RAB44: variants seen among roughly 807,000 people sequenced by gnomAD.
RAB44 encodes the protein ras-related protein Rab-44.
A neutral mutation model predicts 93.3 loss-of-function variants in RAB44; 67 were observed. That is an observed-to-expected ratio of 0.72 (90% CI 0.59 to 0.88). The LOEUF (loss-of-function observed/expected upper bound fraction) is 0.88, where lower values mean the gene tolerates loss of function less well. RAB44 is among the 40% of genes least tolerant of loss of function. The probability of loss-of-function intolerance (pLI) is 0.00; values close to 1 mark genes in which losing one functional copy is unlikely to be tolerated. For missense variants in RAB44, 1,064 were observed against 1,261.7 expected, an observed-to-expected ratio of 0.84 and a Z score of 2.37; for synonymous variants, 427 against 520.3, an observed-to-expected ratio of 0.82 and a Z score of 2.44.
intron 1 of RAB44, among the ~76,000 whole-genome samples, chr6:36,699,587 G>A (rs1307351442): frequency 1.3e-5 from 2 of 152,200 alleles, no homozygotes; most frequent in African/African-American, 2.4e-5. Flanking sequence ...ACTCCACTGG[G>A]TGTTTGTCAT....
chr6:36,711,780 G>A (rs1476680667), intron 2 of RAB44, among the ~76,000 whole-genome samples: 1 of 152,058 alleles, frequency 6.6e-6, no homozygotes, highest in Non-Finnish European at 1.5e-5. Context: ...GTACATTCCT[G>A]TAATCCCAGC....
intron 1 of RAB44, among the ~76,000 whole-genome samples, chr6:36,700,149 G>C: frequency 6.6e-6 from 1 of 152,326 alleles, no homozygotes; most frequent in Admixed American, 6.5e-5. Context: ...TGGGGAATGG[G>C]AACTGATGTT....
At chr6:36,704,019 G>A (rs770167975) in intron 1 of RAB44, among the ~76,000 whole-genome samples, 26 of 152,220 alleles carry the variant, frequency 1.7e-4, no homozygotes, top group Non-Finnish European at 3.2e-4. Context: ...AACTTAGAAA[G>A]GGCAAAGGCG....
chr6:36,710,419 C>G (rs563105727), intron 2 of RAB44, among the ~76,000 whole-genome samples: 1 of 152,180 alleles, frequency 6.6e-6, no homozygotes, highest in Admixed American at 6.5e-5. Context: ...TGTACATATA[C>G]GTCACATTTT....
chr6:36,722,609 A>G lies in RAB44; in HGVS notation c.2475A>G (p.Gly825=), dbSNP rs1582638651. The G allele has an allele frequency of 6.4e-7, 1 of 1,550,490 alleles. No homozygotes were observed. Among genetic ancestry groups the G allele is most frequent in the Non-Finnish European group, 8.7e-7 (1 of 1,146,934 alleles). The stretch of plus-strand genomic sequence containing the variant: ...CGGGAGACCCCATGGCTGGAGGGGG[A>G]CCCCAGGCCAACCCTGATTACCTCT... ...PSPGDPMAGG[G]PQANPDYLFH... The change falls in exon 9 of 14, where the codon GGA becomes GGG. Residue 825 remains glycine (G), a synonymous_variant. Coordinates refer to ENST00000612677, the MANE Select transcript of RAB44 (RefSeq NM_001257357.2).
chr6:36,713,699 G>A, intron 2 of RAB44, 129 bp from the exon 3 acceptor site: 2 of 662,020 alleles, frequency 3.0e-6, no homozygotes, highest in South Asian at 1.7e-5. Context: ...CCCTGGGTCA[G>A]GTTACTGGAG....
At chr6:36,708,545 A>G (rs759896725) in intron 2 of RAB44, among the ~76,000 whole-genome samples, 2 of 152,210 alleles carry the variant, frequency 1.3e-5, no homozygotes, top group South Asian at 4.1e-4. Context: ...GTCATGGGAG[A>G]CCAAGAAATA....
chr6:36,698,699 G>A (rs761119168), intron 1 of RAB44, among the ~76,000 whole-genome samples: 2 of 152,058 alleles, frequency 1.3e-5, no homozygotes, highest in Non-Finnish European at 2.9e-5. Flanking sequence ...GAGGAGAAGG[G>A]CGCTGGCAGG....
chr6:36,701,361 G>A (rs924752075), intron 1 of RAB44, among the ~76,000 whole-genome samples: 2 of 152,168 alleles, frequency 1.3e-5, no homozygotes, highest in Admixed American at 6.5e-5. Context: ...CACCCCGTTG[G>A]CCTCCCAAAG....
At chr6:36,711,043 A>T (rs1762775037) in intron 2 of RAB44, among the ~76,000 whole-genome samples, 1 of 152,254 alleles carries the variant, frequency 6.6e-6, no homozygotes, top group Admixed American at 6.5e-5. Flanking sequence ...TATGCCTAGC[A>T]ATCAATGTTT....
At chr6:36,710,280 T>C (rs1582618716) in intron 2 of RAB44, among the ~76,000 whole-genome samples, 1 of 152,208 alleles carries the variant, frequency 6.6e-6, no homozygotes. Flanking sequence ...AGATACCTCA[T>C]AGAAATGGAA....
chr6:36,730,220 G>A (rs928700289), intron 12 of RAB44, among the ~76,000 whole-genome samples: 4 of 152,194 alleles, frequency 2.6e-5, no homozygotes, highest in Admixed American at 2.0e-4. Context: ...CCCCCGCCCC[G>A]TAAAAGGGTT....
At chr6:36,722,791 C>G (rs752466771) in intron 9 of RAB44, 58 bp downstream of exon 9, 47 of 1,538,892 alleles carry the variant, frequency 3.1e-5, no homozygotes, top group Non-Finnish European at 3.8e-5. Flanking sequence ...CCAGGGCCAA[C>G]GAGTGAGAGC....
chr6:36,715,283 C>T (rs1372254425), intron 3 of RAB44, among the ~76,000 whole-genome samples, 196 bp from the exon 4 acceptor site: 1 of 152,152 alleles, frequency 6.6e-6, no homozygotes, highest in Non-Finnish European at 1.5e-5. Flanking sequence ...CTCTGGGCCT[C>T]AGGTACTCAT....
intron 2 of RAB44, among the ~76,000 whole-genome samples, chr6:36,707,540 T>C (rs993696498): frequency 1.3e-4 from 20 of 151,258 alleles, no homozygotes; most frequent in African/African-American, 4.8e-4. Context: ...TGTAATCAAT[T>C]ATTGTTCTGC....
chr6:36,714,546 G>A (rs1762867174), intron 3 of RAB44, among the ~76,000 whole-genome samples: 2 of 152,260 alleles, frequency 1.3e-5, no homozygotes, highest in South Asian at 4.1e-4. Context: ...AAAGCCTGGA[G>A]ACCAGCAGAG....
At chr6:36,702,333 AG>A in intron 1 of RAB44, among the ~76,000 whole-genome samples, 1 of 60,926 alleles carries the variant, frequency 1.6e-5, no homozygotes, top group South Asian at 6.9e-4. Context: ...AGAGAGAGAG[AG>A]AGAGAATGTA....
chr6:36,705,110 C>CAAAA (rs759512832), intron 2 of RAB44, among the ~76,000 whole-genome samples: 4 of 85,476 alleles, frequency 4.7e-5, no homozygotes, highest in East Asian at 3.2e-4. Context: ...GACTCCATCT[C>CAAAA]AAAAAAAAAA....
chr6:36,716,938 G>A (rs761932473), intron 4 of RAB44, among the ~76,000 whole-genome samples: 84 of 152,176 alleles, frequency 5.5e-4, no homozygotes, highest in African/African-American at 1.5e-3. Context: ...AGAGGGCTTG[G>A]GACTTGCTGG....
Sources: gnomAD v4.1 joint callset for allele counts (sites outside exome capture counted in the v4.1 genomes callset) on GRCh38, gnomAD v4.1.1 for gene constraint, MANE v1.5 for transcripts, NCBI Gene and HGNC (gene_info 2026-07-23, HGNC 2026-07-21) for gene names.